Variants in BIRC6 observed in about 807,000 individuals in gnomAD.
The protein encoded by BIRC6 is dual E2 ubiquitin-conjugating enzyme/E3 ubiquitin-protein ligase BIRC6.
BIRC6 carries 98 observed loss-of-function variants against 503.3 expected under a neutral mutation model. The observed-to-expected ratio is 0.19, with a 90% CI of 0.17 to 0.23. The LOEUF is 0.23. BIRC6 is among the 10% of genes least tolerant of loss of function. The pLI is 1.00. For synonymous variants in BIRC6, 2,240 were observed against 2,078.7 expected, an observed-to-expected ratio of 1.08 and a Z score of -2.11; for missense variants, 5,360 against 5,806.0, an observed-to-expected ratio of 0.92 and a Z score of 2.50.
intron 65 of BIRC6, among the ~76,000 whole-genome samples, chr2:32,561,265 G>A (rs2059165247): frequency 1.4e-5 from 2 of 147,420 alleles, no homozygotes; most frequent in South Asian, 4.3e-4. Context: ...TTTTTGAGAT[G>A]GAGTCTAGCT....
At chr2:32,420,483 A>G (rs2042816300) in intron 10 of BIRC6, among the ~76,000 whole-genome samples, 1 of 151,982 alleles carries the variant, frequency 6.6e-6, no homozygotes, top group African/African-American at 2.4e-5. Flanking sequence ...TAGCGTAAAG[A>G]ATTTCATAAT....
Position 32,573,984 on chromosome 2 carries a change from A to T in BIRC6, c.13145-1172A>T, listed in dbSNP as rs529419923. On this transcript the variant is annotated intron_variant, in intron 65 of 73. Coordinates refer to ENST00000421745, the MANE Select transcript of BIRC6 (RefSeq NM_016252.4). ...TTTCTTGTTCTCCCCTAAACTTGAT[A>T]CTTTACTTTTTTTTGTTTTCCAAAA... Among the ~76,000 whole-genome samples the T allele has an allele frequency of 2.6e-5, 4 of 152,094 alleles. No individual in the cohort carries two copies. The South Asian group carries it at 8.3e-4, about 32-fold the overall frequency.
rs779788554 is a variant in BIRC6 at position 32,510,518 on chromosome 2, G to A, written c.10238-8G>A. 11 of 1,514,548 alleles carry A rather than the reference G, an allele frequency of 7.3e-6. No individual in the cohort carries two copies. The East Asian group carries it at 9.1e-5, about 12-fold the overall frequency. The allele number at this position is 1,514,548 out of a possible 1,614,324, so 93.8% of individuals were successfully genotyped here. A position where few individuals can be genotyped will look rare whatever the true frequency, so the allele number is the denominator to read the frequency against. ...AGCAAACTTTTTCTTTGGATTCTTT[G>A]TTGCAAGATTTGAATAGTCCTTTAC... On this transcript the variant is annotated splice_region_variant and splice_polypyrimidine_tract_variant and intron_variant, in intron 52 of 73. Transcript: ENST00000421745.
intron 8 of BIRC6, among the ~76,000 whole-genome samples, chr2:32,406,289 G>A (rs1017960632): frequency 4.6e-5 from 7 of 152,060 alleles, no homozygotes; most frequent in Non-Finnish European, 1.0e-4. Context: ...CCACCTACAC[G>A]GGAGGCTGAG....
At chr2:32,436,233 A>G (rs1431269496) in intron 15 of BIRC6, 49 bp downstream of exon 15, 2 of 1,316,718 alleles carry the variant, frequency 1.5e-6, no homozygotes, top group Non-Finnish European at 2.0e-6. Flanking sequence ...CCACAGTTGT[A>G]AAAAAGACGA....
rs145269315 is a variant in BIRC6, at chr2:32,545,788, C to G, written c.12738C>G (p.Leu4246=). The change falls in exon 63 of 74, where the codon CTC becomes CTG. Residue 4246 remains leucine (L), a synonymous_variant. Transcript: ENST00000421745. ...RMALEIGALH[L]ILVCLSALSH... The stretch of plus-strand genomic sequence containing the variant: ...CATTGGAAATTGGAGCCTTACACCT[C>G]ATTCTTGTCTGTCTCTCTGCTTTGA... 1 of 1,613,924 alleles carries G rather than the reference C, an allele frequency of 6.2e-7. No homozygotes were observed. Among genetic ancestry groups the G allele is most frequent in the Admixed American group, 1.7e-5 (1 of 60,014 alleles).
intron 2 of BIRC6, 38 bp downstream of exon 2, chr2:32,377,807 A>G: frequency 6.5e-7 from 1 of 1,529,914 alleles, no homozygotes; most frequent in South Asian, 1.2e-5. Flanking sequence ...CCTCTACTTA[A>G]TGTAATCTTA....
In BIRC6 at chr2:32,442,386, G is replaced by T. The variant is rs150284362; in HGVS notation, c.4169G>T (p.Arg1390Leu). Reference sequence around the variant, plus strand: ...CGAAAATTTCTGTCAGACATCGTACGTGTTTGCTTCTTTGAGGCAGGACGA... The same window carrying T: ...CGAAAATTTCTGTCAGACATCGTACTTGTTTGCTTCTTTGAGGCAGGACGA... ...KTRKFLSDIV[R>L]VCFFEAGRSI... The change falls in exon 19 of 74, where the codon CGT (arginine) becomes CTT (leucine). Residue 1390 changes from arginine (R) to leucine (L), a missense_variant. Physicochemically the swap from Arg to Leu is moderately radical, Grantham distance 102. Transcript: ENST00000421745. 1 of 1,611,714 alleles carries T rather than the reference G, an allele frequency of 6.2e-7. No individual in the cohort carries two copies. The highest frequency in any genetic ancestry group is 8.5e-7 in the Non-Finnish European group (1 of 1,178,878).
Position 32,515,663 on chromosome 2 carries a change from A to G in BIRC6, c.11242A>G (p.Thr3748Ala), listed in dbSNP as rs780904727. The G allele has an allele frequency of 8.7e-6, 14 of 1,609,346 alleles. No homozygotes were observed. Among genetic ancestry groups the G allele is most frequent in the Admixed American group, 3.3e-5 (2 of 60,012 alleles). Reference protein sequence around the residue: ...ARSASLSSAATTGLTTQQRTA... With the variant: ...ARSASLSSAAATGLTTQQRTA... ...ATCAGCTTCTCTTTCTTCAGCTGCTACAACAGGACTGACTACTCAACAGCG... is the reference window on the plus strand; with the variant it reads ...ATCAGCTTCTCTTTCTTCAGCTGCTGCAACAGGACTGACTACTCAACAGCG... Residue 3748 changes from threonine to alanine, a missense_variant, in exon 55 of 74, where the codon ACA (threonine) becomes GCA (alanine). Thr to Ala is a moderately conservative substitution (Grantham distance 58). Around this residue, in one of 16 missense-constraint regions of BIRC6, gnomAD observed 878 missense variants for 928.9 expected, o/e 0.95. Transcript: ENST00000421745.
intron 66 of BIRC6, among the ~76,000 whole-genome samples, 172 bp from the exon 67 acceptor site, chr2:32,593,743 A>C (rs2061518429): frequency 6.6e-6 from 1 of 152,204 alleles, no homozygotes; most frequent in South Asian, 2.1e-4. Flanking sequence ...TTATATTAGA[A>C]GGGAAAACCT....
intron 13 of BIRC6, among the ~76,000 whole-genome samples, chr2:32,435,125 G>T (rs915665188): frequency 1.3e-5 from 2 of 152,108 alleles, no homozygotes; most frequent in African/African-American, 4.8e-5. Context: ...TCATATGTGT[G>T]CAGTCTTTTG....
chr2:32,517,328 C>T (rs888419720), intron 55 of BIRC6, among the ~76,000 whole-genome samples: 7 of 152,002 alleles, frequency 4.6e-5, no homozygotes, highest in Non-Finnish European at 8.8e-5. Flanking sequence ...GGCGACAGAG[C>T]GAGACCCTGT....
intron 36 of BIRC6, 124 bp from the exon 37 acceptor site, chr2:32,479,338 G>C: frequency 1.1e-6 from 1 of 936,940 alleles, no homozygotes; most frequent in Non-Finnish European, 1.6e-6. Context: ...ATTTGCCTCA[G>C]ATTCTTTTAT....
At chr2:32,461,034 T>C (rs1172578075) in intron 23 of BIRC6, among the ~76,000 whole-genome samples, 64 of 72,420 alleles carry the variant, frequency 8.8e-4, no homozygotes, top group Admixed American at 1.3e-3. Flanking sequence ...TCTCTTCTCT[T>C]CTCTTCTCTT....
chr2:32,550,410 C>T (rs552741852), intron 65 of BIRC6, among the ~76,000 whole-genome samples: 2 of 152,160 alleles, frequency 1.3e-5, no homozygotes, highest in Non-Finnish European at 2.9e-5. Context: ...ATTTCCCAGT[C>T]TGTCTCAGAC....
rs2060682353 is a variant in BIRC6 at position 32,581,637 on chromosome 2, C to T, written c.13355+6271C>T. Among the ~76,000 whole-genome samples the T allele has an allele frequency of 2.0e-5, 3 of 152,080 alleles. No homozygotes were observed. In the South Asian group the frequency reaches 6.2e-4, roughly 32 times the overall value. ...AGGAGACAGTGTAAACATGAGTGAA[C>T]CATTTACTGTGAATAAAATAGTGTT... On this transcript the variant is annotated intron_variant, in intron 66 of 73. Coordinates refer to ENST00000421745, the MANE Select transcript of BIRC6 (RefSeq NM_016252.4).
At chr2:32,483,867 GAT>G (rs2050689514) in intron 39 of BIRC6, among the ~76,000 whole-genome samples, 1 of 152,160 alleles carries the variant, frequency 6.6e-6, no homozygotes, top group East Asian at 1.9e-4. Flanking sequence ...CATTATTGGT[GAT>G]GTTAAGTTTA....
rs749531835 is a variant in BIRC6, at chr2:32,482,527, A to T, written c.7641A>T (p.Pro2547=). 6.2e-7 allele frequency: 1 copy of T among 1,613,988 alleles called. No homozygotes were observed. The highest frequency in any genetic ancestry group is 2.2e-5 in the East Asian group (1 of 44,870). ...IGGLGIPVAK[P]PANTEKNGSQ... is the part of the protein sequence containing the mutation. ...GTCTGGGAATTCCTGTAGCAAAGCC[A>T]CCAGCAAACACGGAGAAGAACGGAT... The change falls in exon 39 of 74, where the codon CCA becomes CCT. Residue 2547 remains proline (P), a synonymous_variant. Coordinates refer to ENST00000421745, the MANE Select transcript of BIRC6 (RefSeq NM_016252.4).
chr2:32,467,393 T>C lies in BIRC6; in HGVS notation c.5357-132T>C, dbSNP rs2048672791. 4.0e-6 allele frequency: 3 copies of C among 744,652 alleles called. No individual in the cohort carries two copies. The Admixed American group carries it at 8.8e-5, about 22-fold the overall frequency. The allele number at this position is 744,652 out of a possible 1,614,324, so 46.1% of individuals were successfully genotyped here. A position where few individuals can be genotyped will look rare whatever the true frequency, so the allele number is the denominator to read the frequency against. ...CAATTGACAAGGCCATTTTTACATA[T>C]TTACTTTTCCTCTTATTTATAGTTT... On this transcript the variant is annotated intron_variant, in intron 26 of 73. Coordinates refer to ENST00000421745, the MANE Select transcript of BIRC6 (RefSeq NM_016252.4).
Sources: gnomAD v4.1 joint callset for allele counts (sites outside exome capture counted in the v4.1 genomes callset) on GRCh38, gnomAD v4.1.1 for gene constraint, gnomAD v4.1.1 regional missense constraint, MANE v1.5 for transcripts, NCBI Gene and HGNC (gene_info 2026-07-23, HGNC 2026-07-21) for gene names.